The following TBC1D22A variants were observed in gnomAD, a reference collection of about 807,000 sequenced individuals.
TBC1D22A encodes TBC1 domain family member 22A, also known as putative GTPase activator.
A neutral mutation model predicts 60.2 loss-of-function variants in TBC1D22A; 38 were observed. The observed-to-expected ratio is 0.63, with a 90% CI of 0.49 to 0.83. TBC1D22A has a LOEUF of 0.83. Ranked by LOEUF, TBC1D22A falls within the 40% of genes least tolerant of loss-of-function variation. The pLI is 0.00. For missense variants in TBC1D22A, 628 were observed against 701.0 expected, an observed-to-expected ratio of 0.90 and a Z score of 1.18; for synonymous variants, 302 against 281.7, an observed-to-expected ratio of 1.07 and a Z score of -0.72.
intron 11 of TBC1D22A, among the ~76,000 whole-genome samples, chr22:47,103,085 A>G (rs1047638162): frequency 2.0e-5 from 3 of 152,162 alleles, no homozygotes; most frequent in African/African-American, 7.2e-5. Context: ...ACGTTGCTCT[A>G]GGTACATTCT....
rs545714877 is a variant in TBC1D22A, at chr22:46,919,821, CAGATA to C, written c.1015+7637_1015+7641del. Among the ~76,000 whole-genome samples the C allele has an allele frequency of 1.7e-3, 260 of 149,386 alleles. 2 individuals are homozygous for C. The highest frequency in any genetic ancestry group is 6.2e-3 in the African/African-American group (253 of 40,752). On this transcript the variant is annotated intron_variant, in intron 8 of 12. Coordinates refer to ENST00000337137, the MANE Select transcript of TBC1D22A (RefSeq NM_014346.5). ...TTACTCTCAAACTGTGATAAAAACT[CAGATA>C]AGAAGGGATGTTGACTGTAGAAATC...
In TBC1D22A at chr22:46,997,577, T is replaced by C. The variant is rs2075162560; in HGVS notation, c.1126-57T>C. 2.8e-6 allele frequency: 4 copies of C among 1,446,292 alleles called. No homozygotes were observed. In the South Asian group the frequency reaches 3.5e-5, roughly 12 times the overall value. 89.6% of individuals were successfully genotyped at this position (1,446,292 alleles called of 1,614,324 possible). ...TTTATCCCAGCTGCCTTTTTCCCTTTTGGAAAGTTTGTTTTATTTTATATG... is the reference window on the plus strand; with the variant it reads ...TTTATCCCAGCTGCCTTTTTCCCTTCTGGAAAGTTTGTTTTATTTTATATG... On this transcript the variant is annotated intron_variant, in intron 9 of 12. Transcript: ENST00000337137.
At chr22:47,112,255 C>A (rs1275493489) in intron 12 of TBC1D22A, among the ~76,000 whole-genome samples, 1 of 152,204 alleles carries the variant, frequency 6.6e-6, no homozygotes, top group African/African-American at 2.4e-5. Flanking sequence ...GGGGTGATAC[C>A]CACTGTTCCC....
At chr22:46,800,448 C>T (rs1004393233) in intron 4 of TBC1D22A, among the ~76,000 whole-genome samples, 2 of 152,070 alleles carry the variant, frequency 1.3e-5, no homozygotes, top group Non-Finnish European at 2.9e-5. Context: ...AGTGCCCCTT[C>T]TCTGCTGGCT....
chr22:46,951,578 G>A (rs1348292091), intron 8 of TBC1D22A, among the ~76,000 whole-genome samples: 5 of 152,206 alleles, frequency 3.3e-5, no homozygotes, highest in African/African-American at 4.8e-5. Context: ...TGCAGCCGGC[G>A]CCATCTTGGA....
At chr22:46,936,493 G>GCTGGGGC (rs1176541582) in intron 8 of TBC1D22A, among the ~76,000 whole-genome samples, 1 of 152,180 alleles carries the variant, frequency 6.6e-6, no homozygotes, top group Non-Finnish European at 1.5e-5. Flanking sequence ...AACTGTGCCC[G>GCTGGGGC]CTGGGGCCTG....
At chr22:46,847,411 G>T (rs1032932609) in intron 4 of TBC1D22A, among the ~76,000 whole-genome samples, 7 of 152,192 alleles carry the variant, frequency 4.6e-5, no homozygotes, top group Non-Finnish European at 8.8e-5. Flanking sequence ...AGGTCCTAAG[G>T]CATGAAGGTT....
intron 4 of TBC1D22A, among the ~76,000 whole-genome samples, chr22:46,813,665 G>A (rs2085474562): frequency 6.6e-6 from 1 of 152,204 alleles, no homozygotes. Flanking sequence ...GGGCCCTTAA[G>A]CATATGTCAG....
At chr22:46,932,077 C>T (rs2071382681) in intron 8 of TBC1D22A, among the ~76,000 whole-genome samples, 1 of 152,224 alleles carries the variant, frequency 6.6e-6, no homozygotes, top group Admixed American at 6.5e-5. Flanking sequence ...TGCATGCCCC[C>T]ATTTGTGCGT....
chr22:47,035,177 C>T (rs951991687), intron 10 of TBC1D22A, among the ~76,000 whole-genome samples: 23 of 152,222 alleles, frequency 1.5e-4, no homozygotes, highest in Non-Finnish European at 2.9e-5. Flanking sequence ...GAGGAGCTGC[C>T]CTGCAGGCTG....
At position 46,792,586 on chromosome 22, in the gene TBC1D22A, G is replaced by T; in HGVS notation, c.119+10G>T. 1 of 1,614,216 alleles carries T rather than the reference G, an allele frequency of 6.2e-7. No individual in the cohort carries two copies. The highest frequency in any genetic ancestry group is 8.5e-7 in the Non-Finnish European group (1 of 1,180,032). ...CACTGTTACATGGCACGTAAGTGAC[G>T]TTCCAACCTCACTTGGCGTCTCGGC... is the stretch of plus-strand genomic sequence containing the variant. On this transcript the variant is annotated intron_variant, in intron 2 of 12. Transcript: ENST00000337137.
At chr22:46,868,987 G>A (rs764703267) in intron 4 of TBC1D22A, among the ~76,000 whole-genome samples, 1 of 152,206 alleles carries the variant, frequency 6.6e-6, no homozygotes, top group African/African-American at 2.4e-5. Context: ...CTTTCTGGGG[G>A]TTCTTTGCCC....
intron 8 of TBC1D22A, among the ~76,000 whole-genome samples, chr22:46,941,898 A>G (rs796933336): frequency 2.0e-4 from 16 of 79,216 alleles, no homozygotes; most frequent in Admixed American, 1.6e-3. Flanking sequence ...GAATATATGT[A>G]TATAGAATAT....
chr22:46,788,636 C>T (rs1022987685), intron 1 of TBC1D22A, among the ~76,000 whole-genome samples: 5 of 152,182 alleles, frequency 3.3e-5, no homozygotes, highest in Admixed American at 1.3e-4. Context: ...ACAGTGCCTG[C>T]CTCGTAGGTC....
intron 12 of TBC1D22A, among the ~76,000 whole-genome samples, chr22:47,114,680 G>A (rs1008345412): frequency 1.6e-4 from 24 of 152,160 alleles, no homozygotes; most frequent in African/African-American, 5.6e-4. Context: ...GGTGGAAAGC[G>A]GCTTTAAAAG....
At chr22:46,906,331 A>T (rs6009045) in intron 7 of TBC1D22A, among the ~76,000 whole-genome samples, 47,548 of 151,886 alleles carry the variant, frequency 0.31, 8,340 homozygotes, top group East Asian at 0.62. Context: ...GCCCAGAATA[A>T]ATGTTGGGGA....
intron 4 of TBC1D22A, among the ~76,000 whole-genome samples, chr22:46,842,017 T>C (rs570190302): frequency 2.8e-4 from 43 of 152,352 alleles, no homozygotes; most frequent in South Asian, 2.1e-3. Context: ...TGCATCCAGA[T>C]ATTCCTGGTA....
chr22:46,999,949 C>T (rs552076455), intron 10 of TBC1D22A, among the ~76,000 whole-genome samples: 29 of 152,240 alleles, frequency 1.9e-4, no homozygotes, highest in African/African-American at 3.1e-4. Context: ...GGCGTGAACC[C>T]GGGAGGCGGA....
At chr22:46,826,251 G>A (rs1452371693) in intron 4 of TBC1D22A, among the ~76,000 whole-genome samples, 1 of 152,182 alleles carries the variant, frequency 6.6e-6, no homozygotes, top group Non-Finnish European at 1.5e-5. Flanking sequence ...CCGACATTCG[G>A]TACCAATGTG....
Sources: gnomAD v4.1 joint callset for allele counts (sites outside exome capture counted in the v4.1 genomes callset) on GRCh38, gnomAD v4.1.1 for gene constraint, MANE v1.5 for transcripts, NCBI Gene and HGNC (gene_info 2026-07-23, HGNC 2026-07-21) for gene names.